The following HEXB variants were observed in gnomAD, a reference collection of about 807,000 sequenced individuals.
HEXB encodes hexosaminidase subunit beta, also known as beta-hexosaminidase subunit beta.
In HEXB, 51 loss-of-function variants were observed where a neutral mutation model predicts 71.2. The observed-to-expected ratio is 0.72, with a 90% CI of 0.57 to 0.90. The LOEUF (loss-of-function observed/expected upper bound fraction) is 0.90. Ranked by LOEUF, HEXB falls within the 40% of genes least tolerant of loss-of-function variation. The pLI is 0.00. For missense variants in HEXB, 617 were observed against 677.0 expected (o/e 0.91, Z 0.98); for synonymous variants, 266 against 249.3 (o/e 1.07, Z -0.63).
At chr5:74,684,391 T>TC (rs1748800412), upstream of HEXB, among the ~76,000 whole-genome samples, 5 of 152,360 alleles carry the variant, frequency 3.3e-5, no homozygotes, top group East Asian at 9.7e-4. Flanking sequence ...TCAGGATTCC[T>TC]TGGGCATGCT....
chr5:74,692,094 TG>T (rs1324241530), intron 2 of HEXB, among the ~76,000 whole-genome samples: 3 of 152,186 alleles, frequency 2.0e-5, no homozygotes, highest in African/African-American at 7.2e-5. Context: ...AATATATTAA[TG>T]TTTTTTAGGT....
In HEXB at chr5:74,721,169, C is replaced by T; in HGVS notation, c.1665C>T (p.Asn555=). 4 of 1,612,550 alleles carry T rather than the reference C, an allele frequency of 2.5e-6. No homozygotes were observed. Among genetic ancestry groups the T allele is most frequent in the African/African-American group, 1.3e-5 (1 of 74,974 alleles). ...ATGCTGGATATTGTAACCATGAGAA[C>T]ATGTAAAAAATGGAGGGGAAAAAGG... The part of the protein sequence containing the change: ...PLYAGYCNHE[N]M The change falls in exon 14 of 14, where the codon AAC becomes AAT. Residue 555 remains asparagine (N), a synonymous_variant. Transcript: ENST00000261416.
In HEXB at chr5:74,643,164, C is replaced by G. The variant is rs116348219; in HGVS notation, c.-377+2606C>G. 2.1e-3 allele frequency among the ~76,000 whole-genome samples: 316 copies of G among 152,268 alleles called. 2 individuals carry two copies. Among genetic ancestry groups the G allele is most frequent in the African/African-American group, 7.3e-3 (305 of 41,534 alleles). ...TGTACTCTGGTTTGCTTGAGCCAAT[C>G]TATGACTAGTTTTCGGGCAGTTGGG... On this transcript the variant is annotated intron_variant, in intron 1 of 13. Coordinates refer to the HEXB transcript ENST00000511181.
chr5:74,720,354 AC>A lies in HEXB; in HGVS notation c.1418-73del, dbSNP rs1749796850. On this transcript the variant is annotated intron_variant, in intron 11 of 13. Transcript: ENST00000261416. The stretch of plus-strand genomic sequence containing the variant: ...TTGCCCTAGGATAAAGATGGAGGAA[AC>A]AAATCTTGATGAAATATTGCCTCTG... 3.5e-6 allele frequency: 4 copies of A among 1,128,790 alleles called. No individual in the cohort carries two copies. In the East Asian group the frequency reaches 9.4e-5, roughly 27 times the overall value. The allele number at this position is 1,128,790 out of a possible 1,614,324, so 69.9% of individuals were successfully genotyped here.
rs756459414 is a variant in HEXB, at chr5:74,705,288, CAG to C, written c.742_743del (p.Ser248HisfsTer5). The C allele has an allele frequency of 3.1e-6, 5 of 1,607,660 alleles. No individual in the cohort carries two copies. The highest frequency in any genetic ancestry group is 4.3e-6 in the Non-Finnish European group (5 of 1,174,262). On this transcript the variant is annotated frameshift_variant, in exon 6 of 14. Transcript: ENST00000261416. LOFTEE classifies it high-confidence loss of function. ...HIVDDQSFPY[Q>X]SITFPELSNK... ...AGTTGATGACCAGTCTTTCCCATAT[CAG>C]AGCATCACTTTTCCTGAGTTAAGCA...
rs766127309 is a variant in HEXB, at chr5:74,685,397, C to T, written c.137C>T (p.Pro46Leu). ...VVQVAEAARA[P>L]SVSAKPGPAL... ...CAGGTGGCGGAGGCGGCTCGGGCCC[C>T]GAGCGTCTCGGCCAAGCCGGGGCCG... Residue 46 changes from proline to leucine, a missense_variant, in exon 1 of 14, where the codon CCG (proline) becomes CTG (leucine). Coordinates refer to ENST00000261416, the MANE Select transcript of HEXB (RefSeq NM_000521.4). The T allele has an allele frequency of 6.9e-6, 11 of 1,594,348 alleles. No individual in the cohort carries two copies. Among genetic ancestry groups the T allele is most frequent in the Middle Eastern group, 1.7e-4 (1 of 6,052 alleles).
intron 5 of HEXB, among the ~76,000 whole-genome samples, chr5:74,704,307 G>T (rs1413686681): frequency 5.9e-5 from 9 of 152,108 alleles, no homozygotes; most frequent in Non-Finnish European, 1.2e-4. Flanking sequence ...AATCCCTTCA[G>T]CCTTGATGAA....
intron 9 of HEXB, among the ~76,000 whole-genome samples, chr5:74,717,566 AG>A (rs1223747160): frequency 6.6e-6 from 1 of 151,886 alleles, no homozygotes; most frequent in Admixed American, 6.6e-5. Flanking sequence ...TTTTCTGTAA[AG>A]GGTCAGAGAG....
At chr5:74,680,330 A>G (rs2112114775), upstream of HEXB, among the ~76,000 whole-genome samples, 1 of 152,270 alleles carries the variant, frequency 6.6e-6, no homozygotes, top group South Asian at 2.1e-4. Flanking sequence ...TTGAACAGGA[A>G]TGTTTACAGT....
At chr5:74,690,364 T>C (rs12519436) in intron 2 of HEXB, among the ~76,000 whole-genome samples, 34,795 of 151,764 alleles carry the variant, frequency 0.23, 4,495 homozygotes, top group African/African-American at 0.34. Context: ...AGTGTAAAGA[T>C]AGAGGCTGGA....
intron 6 of HEXB, among the ~76,000 whole-genome samples, chr5:74,709,080 A>T (rs1296534573): frequency 6.6e-6 from 1 of 152,180 alleles, no homozygotes; most frequent in East Asian, 1.9e-4. Flanking sequence ...AACAGAAATT[A>T]TAACAAACTA....
intron 1 of HEXB, among the ~76,000 whole-genome samples, chr5:74,678,767 A>C (rs1748682471): frequency 6.6e-6 from 1 of 152,200 alleles, no homozygotes; most frequent in South Asian, 2.1e-4. Flanking sequence ...TAAAGGTAAA[A>C]GAAAATTAAC....
intron 1 of HEXB, among the ~76,000 whole-genome samples, chr5:74,651,466 A>G (rs531066644): frequency 6.6e-6 from 1 of 152,356 alleles, no homozygotes; most frequent in African/African-American, 2.4e-5. Flanking sequence ...AAGAAAGTCT[A>G]ACAAAACATT....
chr5:74,659,970 T>C (rs928211450), intron 1 of HEXB, among the ~76,000 whole-genome samples: 3 of 152,088 alleles, frequency 2.0e-5, no homozygotes, highest in Non-Finnish European at 4.4e-5. Context: ...GCTCTGTCTA[T>C]AACTGATGGA....
chr5:74,664,331 T>C (rs1457982738), intron 1 of HEXB, among the ~76,000 whole-genome samples: 1 of 150,326 alleles, frequency 6.7e-6, no homozygotes, highest in Admixed American at 6.7e-5. Context: ...GTACACAGTC[T>C]GAGGTGGGAG....
rs570201003 is a variant in HEXB at position 74,644,496 on chromosome 5, C to T, written c.-377+3938C>T. On this transcript the variant is annotated intron_variant, in intron 1 of 13. Coordinates refer to the HEXB transcript ENST00000511181. ...GAGACCTCAGCTTCCATCAGCAATC[C>T]TCTTATTTTTAAAAAGAGAGAGAGA... is the stretch of plus-strand genomic sequence containing the variant. Among the ~76,000 whole-genome samples the T allele has an allele frequency of 2.6e-5, 4 of 152,186 alleles. No individual in the cohort carries two copies. The South Asian group carries it at 8.3e-4, about 32-fold the overall frequency.
chr5:74,701,932 C>T (rs928219202), intron 5 of HEXB, among the ~76,000 whole-genome samples: 12 of 152,060 alleles, frequency 7.9e-5, no homozygotes, highest in African/African-American at 1.9e-4. Flanking sequence ...GCATCTAATA[C>T]GCAGACCCCA....
chr5:74,692,785 C>T (rs920762982), intron 2 of HEXB, among the ~76,000 whole-genome samples: 1 of 152,200 alleles, frequency 6.6e-6, no homozygotes, highest in Non-Finnish European at 1.5e-5. Context: ...AGTGTCTTTG[C>T]CGTGGCAAAG....
chr5:74,654,407 G>A (rs1179514472), intron 1 of HEXB, among the ~76,000 whole-genome samples: 1 of 152,182 alleles, frequency 6.6e-6, no homozygotes, highest in African/African-American at 2.4e-5. Context: ...CAGCATTGCA[G>A]AAGATGGCTG....
Sources: allele counts gnomAD v4.1 joint callset (sites outside exome capture counted in the v4.1 genomes callset), GRCh38; gene constraint gnomAD v4.1.1; transcripts MANE v1.5; gene names NCBI Gene and HGNC (gene_info 2026-07-23, HGNC 2026-07-21).